DPP6: variants seen among roughly 807,000 people sequenced by gnomAD.
The protein encoded by DPP6 is dipeptidyl peptidase like 6.
In DPP6, 69 loss-of-function variants were observed where a neutral mutation model predicts 122.6. That is an observed-to-expected ratio of 0.56 (90% CI 0.46 to 0.69). The LOEUF (loss-of-function observed/expected upper bound fraction) is 0.69. Among genes scored for constraint, DPP6 ranks in the 30% least tolerant of loss-of-function variants. The pLI, the probability that DPP6 is intolerant of heterozygous loss-of-function variation, is 0.00. For synonymous variants in DPP6, 418 were observed against 433.1 expected (o/e 0.97, Z 0.43); for missense variants, 928 against 1,116.9 (o/e 0.83, Z 2.41).
intron 5 of DPP6, among the ~76,000 whole-genome samples, chr7:154,598,733 T>A (rs1270939870): frequency 6.6e-6 from 1 of 152,180 alleles, no homozygotes; most frequent in Non-Finnish European, 1.5e-5. Flanking sequence ...GCAGTGTAAC[T>A]GAGAACAGGC....
At position 154,286,962 on chromosome 7, in the gene DPP6, C is replaced by G. The variant is rs1036411957; in HGVS notation, c.244-159252C>G. On this transcript the variant is annotated intron_variant, in intron 1 of 25. Coordinates refer to ENST00000377770, the MANE Select transcript of DPP6 (RefSeq NM_130797.4). Reference sequence around the variant, plus strand: ...GAATCACAAGCATGCACTACCATGCCCGGCTAATTTTTGTATGTTTAGTAG... The same window carrying G: ...GAATCACAAGCATGCACTACCATGCGCGGCTAATTTTTGTATGTTTAGTAG... Among the ~76,000 whole-genome samples the G allele has an allele frequency of 1.1e-4, 16 of 152,120 alleles. 4 individuals are homozygous for G. The highest frequency in any genetic ancestry group is 9.8e-4 in the Admixed American group (15 of 15,280).
the DPP6 span, among the ~76,000 whole-genome samples, chr7:153,818,960 A>G: frequency 6.7e-6 from 1 of 150,102 alleles, no homozygotes; most frequent in Non-Finnish European, 1.5e-5. Flanking sequence ...CCACGTTGGC[A>G]AGGCTGGTCT....
At chr7:153,897,985 G>C (rs1438783428) in intron 1 of DPP6, among the ~76,000 whole-genome samples, 4 of 152,172 alleles carry the variant, frequency 2.6e-5, no homozygotes, top group Non-Finnish European at 5.9e-5. Flanking sequence ...ATGAAAGAAA[G>C]ATAATACCAA....
At chr7:154,786,409 C>T (rs1346610294) in intron 10 of DPP6, among the ~76,000 whole-genome samples, 1 of 152,158 alleles carries the variant, frequency 6.6e-6, no homozygotes, top group Non-Finnish European at 1.5e-5. Flanking sequence ...TCCATAATCC[C>T]CAAGTGTCGT....
chr7:153,935,512 G>A (rs899239137), intron 1 of DPP6, among the ~76,000 whole-genome samples: 48 of 152,150 alleles, frequency 3.2e-4, no homozygotes, highest in Non-Finnish European at 4.4e-4. Context: ...CCTGCCGTCC[G>A]AGGCCCCGTT....
At chr7:154,591,105 T>A (rs1832786579) in intron 5 of DPP6, among the ~76,000 whole-genome samples, 1 of 152,146 alleles carries the variant, frequency 6.6e-6, no homozygotes, top group Admixed American at 6.5e-5. Flanking sequence ...TTGTTGGCAT[T>A]GAGGTTATAG....
chr7:154,631,833 GAGA>G (rs927755882), intron 5 of DPP6, among the ~76,000 whole-genome samples: 8 of 152,192 alleles, frequency 5.3e-5, no homozygotes, highest in Non-Finnish European at 8.8e-5. Flanking sequence ...AGGCACAGTG[GAGA>G]AGTTGTTAAA....
At chr7:154,239,170 A>G (rs1012924822) in intron 1 of DPP6, among the ~76,000 whole-genome samples, 8 of 152,324 alleles carry the variant, frequency 5.3e-5, no homozygotes, top group African/African-American at 1.9e-4. Context: ...CGAGCTTCAG[A>G]CACTTTCTGT....
chr7:154,150,684 A>C (rs1271634776), intron 1 of DPP6, among the ~76,000 whole-genome samples: 1 of 152,244 alleles, frequency 6.6e-6, no homozygotes, highest in African/African-American at 2.4e-5. Context: ...CTCCATTCCC[A>C]GGCCTGAGAG....
intron 1 of DPP6, among the ~76,000 whole-genome samples, chr7:153,997,914 A>G (rs2533571): frequency 0.025 from 3,743 of 149,762 alleles, 154 homozygotes; most frequent in African/African-American, 0.089. Context: ...GGAGGAACAA[A>G]GAGTGATGAG....
intron 1 of DPP6, among the ~76,000 whole-genome samples, chr7:154,071,573 A>G (rs1803120457): frequency 6.6e-6 from 1 of 152,194 alleles, no homozygotes; most frequent in Non-Finnish European, 1.5e-5. Flanking sequence ...AAGTGGAGGG[A>G]ATTAGGCGAT....
chr7:154,874,536 A>G (rs2150649363), intron 19 of DPP6, among the ~76,000 whole-genome samples: 1 of 152,340 alleles, frequency 6.6e-6, no homozygotes, highest in South Asian at 2.1e-4. Flanking sequence ...AAAAAAATCC[A>G]AAAGAAAACA....
chr7:154,083,869 A>T (rs1272867333), intron 1 of DPP6, among the ~76,000 whole-genome samples: 2 of 148,764 alleles, frequency 1.3e-5, no homozygotes, highest in East Asian at 3.9e-4. Context: ...AATCACAGGT[A>T]TTGAGAGGAA....
intron 1 of DPP6, among the ~76,000 whole-genome samples, chr7:154,416,639 A>C (rs941764738): frequency 2.2e-5 from 3 of 138,022 alleles, no homozygotes; most frequent in African/African-American, 7.7e-5. Flanking sequence ...AGTTTCAGGC[A>C]TCCACTGGGG....
chr7:154,275,251 A>G (rs2150940587), intron 1 of DPP6, among the ~76,000 whole-genome samples: 1 of 152,326 alleles, frequency 6.6e-6, no homozygotes, highest in Admixed American at 6.5e-5. Context: ...ACCTGCTCCT[A>G]GAGTCCTCTG....
intron 1 of DPP6, among the ~76,000 whole-genome samples, chr7:154,389,949 G>T (rs983180669): frequency 6.6e-6 from 1 of 152,192 alleles, no homozygotes; most frequent in South Asian, 2.1e-4. Context: ...CTACAAATAT[G>T]CGGGTTTGCA....
chr7:154,703,880 T>C (rs1243620629), intron 7 of DPP6, among the ~76,000 whole-genome samples: 2 of 150,922 alleles, frequency 1.3e-5, no homozygotes, highest in African/African-American at 4.9e-5. Flanking sequence ...GAGCTTGCAG[T>C]GAGCCAAGAT....
At chr7:154,439,841 A>T (rs913343492) in intron 1 of DPP6, among the ~76,000 whole-genome samples, 1 of 152,240 alleles carries the variant, frequency 6.6e-6, no homozygotes, top group African/African-American at 2.4e-5. Flanking sequence ...CATGTTATGT[A>T]AAATAGGCAA....
intron 1 of DPP6, among the ~76,000 whole-genome samples, chr7:154,008,666 T>C (rs1035314460): frequency 1.4e-5 from 2 of 142,476 alleles, no homozygotes; most frequent in African/African-American, 5.2e-5. Context: ...TTCTTTTTTT[T>C]TTTTTTTTTT....
Sources: allele counts gnomAD v4.1 joint callset (sites outside exome capture counted in the v4.1 genomes callset), GRCh38; gene constraint gnomAD v4.1.1; transcripts MANE v1.5; gene names NCBI Gene and HGNC (gene_info 2026-07-23, HGNC 2026-07-21).